Variants in WDR86 observed in about 807,000 individuals in gnomAD.
WDR86 encodes WD repeat domain 86.
Under a neutral mutation model 36.5 loss-of-function variants are expected in WDR86, and 30 were observed. That is an observed-to-expected ratio of 0.82 (90% CI 0.61 to 1.11). The LOEUF (loss-of-function observed/expected upper bound fraction) is 1.11, where lower values mean the gene tolerates loss of function less well. Ranked by LOEUF, WDR86 falls within the 50% of genes most tolerant of loss-of-function variation. WDR86 has a pLI of 0.00. For synonymous variants in WDR86, 255 were observed against 252.9 expected (o/e 1.01, Z -0.08); for missense variants, 545 against 561.2 (o/e 0.97, Z 0.29).
At position 151,381,798 on chromosome 7, in the gene WDR86, C is replaced by T; in HGVS notation, c.967-52G>A. ...GGTGACGCGGTAGGCGGGGGGGACA[C>T]CGCTGCCCGCGTGGATGGATCGGGG... On this transcript the variant is annotated intron_variant, in intron 5 of 5. Transcript: ENST00000334493. The surrounding 1 kb of genome is among the most constrained non-coding windows in gnomAD (Gnocchi z 4.8). 1.3e-6 allele frequency: 2 copies of T among 1,510,884 alleles called. No homozygotes were observed. The highest frequency in any genetic ancestry group is 1.8e-6 in the Non-Finnish European group (2 of 1,126,156). 93.6% of individuals were successfully genotyped at this position (1,510,884 alleles called of 1,614,324 possible). A position where few individuals can be genotyped will look rare whatever the true frequency, so the allele number is the denominator to read the frequency against.
chr7:151,403,498 C>T (rs1001836), intron 1 of WDR86, among the ~76,000 whole-genome samples: 19,456 of 152,128 alleles, frequency 0.13, 1,328 homozygotes, highest in African/African-American at 0.18. Flanking sequence ...CCCCTTCCCC[C>T]GACCCCCTGA....
intron 3 of WDR86, among the ~76,000 whole-genome samples, chr7:151,389,973 G>T (rs1249184107): frequency 6.6e-6 from 1 of 152,212 alleles, no homozygotes; most frequent in Non-Finnish European, 1.5e-5. Context: ...GCAGTTTGTG[G>T]ATGGGGGTGC....
rs1799335352 is a variant in WDR86 at position 151,390,384 on chromosome 7, A to T, written c.727-5161T>A. Among the ~76,000 whole-genome samples, 1 of 152,016 alleles carries T rather than the reference A, an allele frequency of 6.6e-6. No individual in the cohort carries two copies. Among genetic ancestry groups the T allele is most frequent in the African/African-American group, 2.4e-5 (1 of 41,388 alleles). ...TGAAAAAGGAGTCCCCCCAACCCCC[A>T]CAGTCAGGAAGCCTCCGGAAGTTGC... On this transcript the variant is annotated intron_variant, in intron 3 of 5. Transcript: ENST00000334493. This position sits in a 1 kb window ranked among gnomAD's most constrained non-coding sequence, Gnocchi z 4.5.
At chr7:151,399,126 C>G (rs1800101328) in intron 2 of WDR86, among the ~76,000 whole-genome samples, 1 of 152,134 alleles carries the variant, frequency 6.6e-6, no homozygotes, top group Admixed American at 6.5e-5. Context: ...CTGCATATAC[C>G]CCCCATTCAC....
chr7:151,372,249 G>A (rs746511747), downstream of WDR86, among the ~76,000 whole-genome samples: 8 of 152,218 alleles, frequency 5.3e-5, no homozygotes, highest in Non-Finnish European at 1.2e-4. Context: ...AGTACTCACT[G>A]TCATTGATTT....
At chr7:151,387,687 C>T (rs1018608778) in intron 3 of WDR86, among the ~76,000 whole-genome samples, 5 of 152,124 alleles carry the variant, frequency 3.3e-5, no homozygotes, top group African/African-American at 1.2e-4. Flanking sequence ...TCCAAGGGAG[C>T]CCCGCAGGGG....
downstream of WDR86, chr7:151,376,823 G>GTCTT: frequency 6.4e-7 from 1 of 1,568,494 alleles, no homozygotes; most frequent in African/African-American, 1.3e-5. Context: ...TAGGTCTGAG[G>GTCTT]TCTTTGAGGG....
Position 151,409,950 on chromosome 7 carries a change from C to T in WDR86, c.-361G>A. The T allele has an allele frequency of 9.6e-7, 1 of 1,038,540 alleles. No individual in the cohort carries two copies. Among genetic ancestry groups the T allele is most frequent in the Non-Finnish European group, 1.2e-6 (1 of 865,288 alleles). The allele number at this position is 1,038,540 out of a possible 1,614,324, so 64.3% of individuals were successfully genotyped here. A position where few individuals can be genotyped will look rare whatever the true frequency, so the allele number is the denominator to read the frequency against. On this transcript the variant is annotated 5_prime_UTR_variant, in exon 1 of 6. Transcript: ENST00000334493. The surrounding 1 kb of genome is among the most constrained non-coding windows in gnomAD (Gnocchi z 5.2). Reference sequence around the variant, plus strand: ...TGGTGCACAAGGAGCCCCCCGCCTCCTCTCGCGCCCACGGGGCTGGGGCGG... The same window carrying T: ...TGGTGCACAAGGAGCCCCCCGCCTCTTCTCGCGCCCACGGGGCTGGGGCGG...
chr7:151,407,772 C>G (rs1039717676), intron 1 of WDR86, among the ~76,000 whole-genome samples: 1 of 152,126 alleles, frequency 6.6e-6, no homozygotes, highest in Non-Finnish European at 1.5e-5. Flanking sequence ...ACCCGGGAGG[C>G]GGAGGTTGCA....
intron 4 of WDR86, among the ~76,000 whole-genome samples, chr7:151,382,454 TCA>T (rs1798672924): frequency 6.6e-6 from 1 of 152,180 alleles, no homozygotes; most frequent in South Asian, 2.1e-4. Context: ...GCCTCCGACC[TCA>T]GTCTGTCTCC....
chr7:151,402,756 C>T (rs1213360376), intron 1 of WDR86, among the ~76,000 whole-genome samples: 3 of 152,308 alleles, frequency 2.0e-5, no homozygotes, highest in African/African-American at 7.2e-5. Context: ...AGCTACCCCA[C>T]CAGCTGGTTG....
At chr7:151,402,676 C>A (rs80238976) in intron 1 of WDR86, among the ~76,000 whole-genome samples, 17,879 of 152,170 alleles carry the variant, frequency 0.12, 1,389 homozygotes, top group Non-Finnish European at 0.16. Flanking sequence ...ACTGATGAGG[C>A]CGGGATGTGG....
chr7:151,377,508 C>G, downstream of WDR86: 1 of 233,700 alleles, frequency 4.3e-6, no homozygotes, highest in Non-Finnish European at 8.3e-6. Flanking sequence ...CAGGAAGGAA[C>G]AGGGGTCCTG....
downstream of WDR86, chr7:151,378,123 A>G (rs953440456): frequency 1.3e-5 from 2 of 152,164 alleles, no homozygotes; most frequent in African/African-American, 4.8e-5. Flanking sequence ...AAAAGTATGT[A>G]GTTCGCTGTG....
chr7:151,380,539 G>A (rs548320753), downstream of WDR86, among the ~76,000 whole-genome samples: 7 of 152,174 alleles, frequency 4.6e-5, no homozygotes, highest in East Asian at 9.7e-4. Context: ...CGGGCCAACC[G>A]GGGCACATGG....
downstream of WDR86, chr7:151,374,142 C>A (rs1471492118): frequency 1.3e-6 from 2 of 1,573,454 alleles, no homozygotes; most frequent in East Asian, 2.4e-5. Flanking sequence ...GAAAAGACGC[C>A]GCCTCGAGAA....
chr7:151,398,518 G>C (rs1029960422), intron 2 of WDR86, among the ~76,000 whole-genome samples: 5 of 151,160 alleles, frequency 3.3e-5, no homozygotes, highest in African/African-American at 4.9e-5. Flanking sequence ...GTATGTGTAA[G>C]TTTGTGTATG....
rs1249137025 is a variant in WDR86, at chr7:151,409,640, G to T, written c.-51C>A. 5.3e-6 allele frequency: 7 copies of T among 1,321,330 alleles called. No homozygotes were observed. In the Admixed American group the frequency reaches 1.2e-4, roughly 23 times the overall value. 81.9% of individuals were successfully genotyped at this position (1,321,330 alleles called of 1,614,324 possible). ...AGGAGCTGCGCCCCGCTAGGGAGGG[G>T]CGCCCCGGGGTCCGCGCGGCGGCTC... On this transcript the variant is annotated 5_prime_UTR_variant, in exon 1 of 6. Transcript: ENST00000334493. This position sits in a 1 kb window ranked among gnomAD's most constrained non-coding sequence, Gnocchi z 5.2.
chr7:151,376,026 G>T, exon 2 of WDR86: 1 of 857,840 alleles, frequency 1.2e-6, no homozygotes, highest in Non-Finnish European at 2.0e-6. Flanking sequence ...CAGGCAGCAG[G>T]ACTGGGGGAG....
Sources: allele counts gnomAD v4.1 joint callset (sites outside exome capture counted in the v4.1 genomes callset), GRCh38; gene constraint gnomAD v4.1.1; non-coding constraint Gnocchi (gnomAD v3.1); transcripts MANE v1.5; gene names NCBI Gene and HGNC (gene_info 2026-07-23, HGNC 2026-07-21).